COL12A1: variants seen among roughly 807,000 people sequenced by gnomAD.
COL12A1 encodes collagen alpha-1(XII) chain.
A neutral mutation model predicts 349.7 loss-of-function variants in COL12A1; 114 were observed. The ratio of observed to expected loss-of-function variants is 0.33; its 90% CI spans 0.28 to 0.38. COL12A1 has a LOEUF of 0.38. Among genes scored for constraint, COL12A1 ranks in the 10% least tolerant of loss-of-function variants. The pLI, the probability that COL12A1 is intolerant of heterozygous loss-of-function variation, is 1.00. For missense variants in COL12A1, 3,284 were observed against 3,756.9 expected (o/e 0.87, Z 3.29); for synonymous variants, 1,369 against 1,329.0 (o/e 1.03, Z -0.66).
chr6:75,126,292 A>AC, intron 39 of COL12A1, 59 bp downstream of exon 39: 1 of 1,555,634 alleles, frequency 6.4e-7, no homozygotes, highest in Non-Finnish European at 8.8e-7. Flanking sequence ...AAGAGAAAAT[A>AC]CCCTCATATG....
At chr6:75,184,373 G>A (rs1769495948) in intron 8 of COL12A1, among the ~76,000 whole-genome samples, 1 of 152,208 alleles carries the variant, frequency 6.6e-6, no homozygotes, top group Admixed American at 6.5e-5. Flanking sequence ...GAATAAGAAA[G>A]TATTTGGAAG....
Position 75,183,329 on chromosome 6 carries a change from T to C in COL12A1, c.1612A>G (p.Arg538Gly), listed in dbSNP as rs1769422341. ...ATCATGACCTTTGGCACATTGCTTC[T>C]TGATCCCTTGCTAGGCACAAATATT... ...EKIFVPSKGS[R>G]SNVPKVMILI... Residue 538 changes from arginine to glycine, a missense_variant, in exon 10 of 66, where the codon AGA (arginine) becomes GGA (glycine). By Grantham distance (125) the Arg-to-Gly change is moderately radical (BLOSUM62 -2). Around this residue, in one of 2 missense-constraint regions of COL12A1, gnomAD observed 2,601 missense variants for 2,824.8 expected, o/e 0.92. Coordinates refer to ENST00000322507, the MANE Select transcript of COL12A1 (RefSeq NM_004370.6). 6.2e-7 allele frequency: 1 copy of C among 1,614,136 alleles called. No individual in the cohort carries two copies. Among genetic ancestry groups the C allele is most frequent in the South Asian group, 1.1e-5 (1 of 91,088 alleles).
At chr6:75,131,194 C>T (rs527485912) in intron 35 of COL12A1, among the ~76,000 whole-genome samples, 1 of 152,250 alleles carries the variant, frequency 6.6e-6, no homozygotes, top group African/African-American at 2.4e-5. Flanking sequence ...TCATCCTTGA[C>T]CCTTAGTAGC....
chr6:75,134,646 C>A, intron 32 of COL12A1, 80 bp downstream of exon 32: 1 of 1,291,018 alleles, frequency 7.7e-7, no homozygotes, highest in Non-Finnish European at 1.0e-6. Flanking sequence ...TTTGTGTCAC[C>A]CCAGTGTTTC....
At chr6:75,146,338 T>C (rs1767194023) in intron 23 of COL12A1, 94 bp from the exon 24 acceptor site, 1 of 1,278,246 alleles carries the variant, frequency 7.8e-7, no homozygotes, top group African/African-American at 1.5e-5. Flanking sequence ...TATTTGTATA[T>C]ACTAGACAGT....
intron 25 of COL12A1, among the ~76,000 whole-genome samples, chr6:75,143,920 T>G (rs1386213072): frequency 6.6e-6 from 1 of 152,188 alleles, no homozygotes; most frequent in African/African-American, 2.4e-5. Context: ...TTACCAAATC[T>G]AACATAACTT....
At chr6:75,182,444 G>C (rs1769367369) in intron 10 of COL12A1, among the ~76,000 whole-genome samples, 1 of 151,462 alleles carries the variant, frequency 6.6e-6, no homozygotes, top group Admixed American at 6.6e-5. Context: ...TCCCACATAT[G>C]AGTGAGAACA....
intron 58 of COL12A1, among the ~76,000 whole-genome samples, chr6:75,101,122 C>T (rs1451567191): frequency 3.3e-5 from 5 of 152,108 alleles, no homozygotes; most frequent in Non-Finnish European, 5.9e-5. Context: ...TACTAAATAC[C>T]AGCTGTCTAC....
At chr6:75,181,543 T>C (rs895944617) in intron 10 of COL12A1, among the ~76,000 whole-genome samples, 1 of 152,220 alleles carries the variant, frequency 6.6e-6, no homozygotes, top group Non-Finnish European at 1.5e-5. Flanking sequence ...ATTTAAACCA[T>C]AGCAGACCTA....
At position 75,130,137 on chromosome 6, in the gene COL12A1, T is replaced by A; in HGVS notation, c.6164A>T (p.Tyr2055Phe). 1.2e-6 allele frequency: 2 copies of A among 1,614,180 alleles called. No individual in the cohort carries two copies. Among genetic ancestry groups the A allele is most frequent in the Non-Finnish European group, 1.7e-6 (2 of 1,180,006 alleles). Residue 2055 changes from tyrosine to phenylalanine, a missense_variant, in exon 37 of 66, where the codon TAC becomes TTC. Tyr to Phe is a conservative substitution (Grantham distance 22). Around this residue, in one of 2 missense-constraint regions of COL12A1, gnomAD observed 2,601 missense variants for 2,824.8 expected, o/e 0.92. Coordinates refer to ENST00000322507, the MANE Select transcript of COL12A1 (RefSeq NM_004370.6). The stretch of plus-strand genomic sequence containing the variant: ...AACAGTGGGAGAATAGATGATCCTG[T>A]ACTGCTGAACTGGCCCATCAGCATG... ...WDHADGPVQQYRIIYSPTVGD... is the reference protein window; with the variant it reads ...WDHADGPVQQFRIIYSPTVGD...
chr6:75,106,272 AGTAGCTG>A, intron 53 of COL12A1, 140 bp downstream of exon 53: 1 of 650,914 alleles, frequency 1.5e-6, no homozygotes, highest in East Asian at 2.8e-5. Flanking sequence ...GCTTTTCTGT[AGTAGCTG>A]GTGAGCACCC....
At position 75,117,512 on chromosome 6, in the gene COL12A1, G is replaced by C. The variant is rs545442226; in HGVS notation, c.7389C>G (p.Val2463=). Reference sequence around the variant, plus strand: ...CAATGTTGGCAAGCTCATTGTAGTCGACATCAGCCACACCAACTACAAAGA... The same window carrying C: ...CAATGTTGGCAAGCTCATTGTAGTCCACATCAGCCACACCAACTACAAAGA... ...FSVFVVGVAD[V]DYNELANIAS... Residue 2463 remains valine, a synonymous_variant, in exon 47 of 66, where the codon GTC becomes GTG. Transcript: ENST00000322507. 6.2e-7 allele frequency: 1 copy of C among 1,613,518 alleles called. No homozygotes were observed. The highest frequency in any genetic ancestry group is 8.5e-7 in the Non-Finnish European group (1 of 1,179,612).
intron 46 of COL12A1, 93 bp from the exon 47 acceptor site, chr6:75,117,639 T>C (rs1769154560): frequency 2.2e-6 from 3 of 1,387,538 alleles, no homozygotes; most frequent in Non-Finnish European, 2.0e-6. Context: ...GAAATGATGC[T>C]GTATTTTCTT....
chr6:75,195,528 A>G (rs1770176525), intron 2 of COL12A1, among the ~76,000 whole-genome samples: 1 of 152,188 alleles, frequency 6.6e-6, no homozygotes, highest in South Asian at 2.1e-4. Context: ...ATATATTTTA[A>G]TGAAAATAAG....
At chr6:75,121,523 A>G in intron 43 of COL12A1, 82 bp from the exon 44 acceptor site, 10 of 1,411,308 alleles carry the variant, frequency 7.1e-6, no homozygotes, top group Non-Finnish European at 9.4e-6. Flanking sequence ...AAAATGCAAT[A>G]TAACACCTTG....
At chr6:75,110,343 A>C (rs1343379912) in intron 51 of COL12A1, among the ~76,000 whole-genome samples, 4 of 152,080 alleles carry the variant, frequency 2.6e-5, no homozygotes. Context: ...TATTCCAGGA[A>C]CACTTGTCAT....
chr6:75,186,959 G>A (rs1769656665), intron 8 of COL12A1, among the ~76,000 whole-genome samples: 1 of 151,796 alleles, frequency 6.6e-6, no homozygotes, highest in Non-Finnish European at 1.5e-5. Context: ...ACACACACTG[G>A]GGCCTATTGG....
chr6:75,124,903 T>C (rs918418807), intron 40 of COL12A1, among the ~76,000 whole-genome samples: 3 of 152,190 alleles, frequency 2.0e-5, no homozygotes, highest in Non-Finnish European at 1.5e-5. Flanking sequence ...CAAAGTATAA[T>C]ATTTTATGTG....
chr6:75,146,320 A>G (rs551365650), intron 23 of COL12A1, 76 bp from the exon 24 acceptor site: 30 of 1,425,570 alleles, frequency 2.1e-5, no homozygotes, highest in Middle Eastern at 3.7e-4. Context: ...TTTGTACTCA[A>G]TTATTGATAT....
Sources: allele counts gnomAD v4.1 joint callset (sites outside exome capture counted in the v4.1 genomes callset), GRCh38; gene constraint gnomAD v4.1.1; regional missense constraint gnomAD v4.1.1; transcripts MANE v1.5; gene names NCBI Gene and HGNC (gene_info 2026-07-23, HGNC 2026-07-21).